The following CGNL1 variants were observed in gnomAD, a reference collection of about 807,000 sequenced individuals.
CGNL1 encodes the protein cingulin like 1.
Under a neutral mutation model 141.2 loss-of-function variants are expected in CGNL1, and 132 were observed. That is an observed-to-expected ratio of 0.93 (90% CI 0.81 to 1.08). The LOEUF (loss-of-function observed/expected upper bound fraction) is 1.08, where lower values mean the gene tolerates loss of function less well. Among genes scored for constraint, CGNL1 ranks in the 50% least tolerant of loss-of-function variants. CGNL1 has a pLI of 0.00. For missense variants in CGNL1, 1,870 were observed against 1,588.6 expected (o/e 1.18, Z -3.01); for synonymous variants, 690 against 622.1 (o/e 1.11, Z -1.63).
rs2063131280 is a variant in CGNL1, at chr15:57,438,198, A to T, written c.199A>T (p.Thr67Ser). The change falls in exon 2 of 19, where the codon ACA becomes TCA. Residue 67 changes from threonine (T) to serine (S), a missense_variant. Physicochemically the swap from Thr to Ser is moderately conservative, Grantham distance 58. Transcript: ENST00000281282. ...LNNTERCLAGTSFSENGPPFP... is the reference protein window; with the variant it reads ...LNNTERCLAGSSFSENGPPFP... ...TAACACAGAACGGTGCCTAGCAGGCACATCGTTTTCTGAAAATGGGCCACC... is the reference window on the plus strand; with the variant it reads ...TAACACAGAACGGTGCCTAGCAGGCTCATCGTTTTCTGAAAATGGGCCACC... 1.2e-6 allele frequency: 2 copies of T among 1,614,194 alleles called. No homozygotes were observed. The highest frequency in any genetic ancestry group is 1.7e-6 in the Non-Finnish European group (2 of 1,180,016).
chr15:57,519,717 A>C (rs766381039), intron 10 of CGNL1, among the ~76,000 whole-genome samples: 1 of 151,946 alleles, frequency 6.6e-6, no homozygotes, highest in African/African-American at 2.4e-5. Context: ...CTGTTACCCA[A>C]CCTGGCTGCC....
chr15:57,443,884 C>CA (rs1595711219), intron 4 of CGNL1, among the ~76,000 whole-genome samples: 1 of 152,220 alleles, frequency 6.6e-6, no homozygotes, highest in East Asian at 1.9e-4. Flanking sequence ...GGGTCTTGAA[C>CA]ACAGGGGCTT....
intron 8 of CGNL1, among the ~76,000 whole-genome samples, chr15:57,474,154 A>G (rs2063621302): frequency 6.6e-6 from 1 of 151,764 alleles, no homozygotes; most frequent in African/African-American, 2.4e-5. Context: ...CAGGTGATTC[A>G]CCCACCTTGG....
rs959549409 is a variant in CGNL1, at chr15:57,425,537, G to T, written c.-15-12448G>T. Among the ~76,000 whole-genome samples the T allele has an allele frequency of 3.9e-5, 6 of 152,280 alleles. No individual in the cohort carries two copies. In the East Asian group the frequency reaches 1.2e-3, roughly 29 times the overall value. ...GTGGGCGGATCACTTGAGGTCAGGA[G>T]TTTGAGATCAGCCTGGCCAACATGG... On this transcript the variant is annotated intron_variant, in intron 1 of 18. Transcript: ENST00000281282.
intron 8 of CGNL1, 57 bp downstream of exon 8, chr15:57,461,949 T>C: frequency 7.7e-7 from 1 of 1,293,010 alleles, no homozygotes; most frequent in Non-Finnish European, 1.1e-6. Context: ...TAAGACCCTC[T>C]CTCCCACACC....
chr15:57,496,598 C>CATTCCA (rs1218827357), intron 8 of CGNL1, among the ~76,000 whole-genome samples: 1 of 152,132 alleles, frequency 6.6e-6, no homozygotes, highest in Non-Finnish European at 1.5e-5. Flanking sequence ...TGCTTTACTC[C>CATTCCA]ATTCCAAGTC....
At chr15:57,384,066 G>A (rs555547715) in intron 1 of CGNL1, among the ~76,000 whole-genome samples, 17 of 150,270 alleles carry the variant, frequency 1.1e-4, no homozygotes, top group Non-Finnish European at 1.8e-4. Context: ...GCTTTGGGGA[G>A]TGGGGTGGGT....
chr15:57,539,375 C>A (rs115390226), intron 14 of CGNL1, among the ~76,000 whole-genome samples: 1,569 of 152,286 alleles, frequency 0.01, 26 homozygotes, highest in African/African-American at 0.036. Context: ...TGGATCCTGT[C>A]CCTCCACTTG....
intron 1 of CGNL1, among the ~76,000 whole-genome samples, chr15:57,379,901 T>G (rs1664470): frequency 0.56 from 85,138 of 152,142 alleles, 25,506 homozygotes; most frequent in Non-Finnish European, 0.66. Flanking sequence ...GAGGGAAGGC[T>G]TAGTGTTTTC....
intron 1 of CGNL1, among the ~76,000 whole-genome samples, chr15:57,417,334 A>C (rs2062860171): frequency 6.6e-6 from 1 of 152,108 alleles, no homozygotes; most frequent in East Asian, 1.9e-4. Context: ...CCTGGGTTCA[A>C]GCAATTCTCA....
chr15:57,546,864 G>A (rs916663445), intron 18 of CGNL1, among the ~76,000 whole-genome samples: 1 of 152,066 alleles, frequency 6.6e-6, no homozygotes, highest in Admixed American at 6.5e-5. Flanking sequence ...CTGGCTGCCC[G>A]GGTAGTTCTC....
intron 1 of CGNL1, among the ~76,000 whole-genome samples, chr15:57,426,612 A>AT (rs35055374): frequency 0.019 from 2,222 of 119,616 alleles, 78 homozygotes; most frequent in African/African-American, 0.063. Context: ...ATGCTTGGCT[A>AT]TTTTTTTTTT....
chr15:57,378,380 T>G (rs1022796222), intron 1 of CGNL1, among the ~76,000 whole-genome samples: 5 of 113,542 alleles, frequency 4.4e-5, no homozygotes, highest in Admixed American at 2.0e-4. Context: ...TTTTTTTTTT[T>G]TTTTTTTTTT....
chr15:57,406,373 A>T (rs2062723279), intron 1 of CGNL1, among the ~76,000 whole-genome samples: 1 of 151,616 alleles, frequency 6.6e-6, no homozygotes, highest in Non-Finnish European at 1.5e-5. Context: ...AGAGGGAGGG[A>T]GTGAGGGTGG....
Position 57,516,795 on chromosome 15 carries a change from G to A in CGNL1, c.2419G>A (p.Ala807Thr), listed in dbSNP as rs772440752. ...TTTTTAACAGAATGTCGAGGTCTTG[G>A]CGAGCAGGAGCAACACTTCAGAGCA... ...EEATKNVEVL[A>T]SRSNTSEQDQ... Residue 807 changes from alanine to threonine, a missense_variant, in exon 9 of 19, where the codon GCG (alanine) becomes ACG (threonine). Coordinates refer to ENST00000281282, the MANE Select transcript of CGNL1 (RefSeq NM_032866.5). The A allele has an allele frequency of 6.2e-7, 1 of 1,614,114 alleles. No individual in the cohort carries two copies. The highest frequency in any genetic ancestry group is 8.5e-7 in the Non-Finnish European group (1 of 1,180,010).
rs539260159 is a variant in CGNL1 at position 57,380,438 on chromosome 15, C to A, written c.-16+3871C>A. ...GGCCTGAGTCAGGTGGGGATGTAAACCCTGGGTTGCAATAAGTTAGGAACT... is the reference window on the plus strand; with the variant it reads ...GGCCTGAGTCAGGTGGGGATGTAAAACCTGGGTTGCAATAAGTTAGGAACT... On this transcript the variant is annotated intron_variant, in intron 1 of 18. Coordinates refer to ENST00000281282, the MANE Select transcript of CGNL1 (RefSeq NM_032866.5). 5.9e-5 allele frequency among the ~76,000 whole-genome samples: 9 copies of A among 152,106 alleles called. No homozygotes were observed. In the East Asian group the frequency reaches 1.7e-3, roughly 29 times the overall value.
At chr15:57,473,803 AC>A (rs2063613058) in intron 8 of CGNL1, among the ~76,000 whole-genome samples, 1 of 151,542 alleles carries the variant, frequency 6.6e-6, no homozygotes, top group Admixed American at 6.6e-5. Context: ...CCTTCAGATG[AC>A]TATAACCTTG....
At position 57,518,486 on chromosome 15, in the gene CGNL1, G is replaced by A; in HGVS notation, c.2704G>A (p.Glu902Lys). Residue 902 changes from glutamate to lysine, a missense_variant, in exon 10 of 19, where the codon GAG (glutamate) becomes AAG (lysine). Coordinates refer to ENST00000281282, the MANE Select transcript of CGNL1 (RefSeq NM_032866.5). ...SARRALENEL[E>K]AAQGNLSQTT... ...CAGAAGGGCCCTGGAGAATGAACTG[G>A]AGGCTGCTCAGGTAAACACCAAGGG... is the stretch of plus-strand genomic sequence containing the variant. The A allele has an allele frequency of 2.5e-6, 4 of 1,609,278 alleles. No individual in the cohort carries two copies. Among genetic ancestry groups the A allele is most frequent in the Non-Finnish European group, 3.4e-6 (4 of 1,177,402 alleles).
intron 1 of CGNL1, among the ~76,000 whole-genome samples, chr15:57,409,806 C>G (rs1348035554): frequency 6.6e-6 from 1 of 152,106 alleles, no homozygotes; most frequent in Non-Finnish European, 1.5e-5. Flanking sequence ...TGAGTCTAAC[C>G]AGGGAGTTGT....
Sources: allele counts gnomAD v4.1 joint callset (sites outside exome capture counted in the v4.1 genomes callset), GRCh38; gene constraint gnomAD v4.1.1; transcripts MANE v1.5; gene names NCBI Gene and HGNC (gene_info 2026-07-23, HGNC 2026-07-21).